NUTM2G: variants seen among roughly 807,000 people sequenced by gnomAD.
NUTM2G encodes the protein NUT family member 2G.
A neutral mutation model predicts 44.3 loss-of-function variants in NUTM2G; 29 were observed. The observed-to-expected ratio is 0.66, with a 90% confidence interval of 0.49 to 0.89. The LOEUF (loss-of-function observed/expected upper bound fraction) is 0.89. Among genes scored for constraint, NUTM2G ranks in the 40% least tolerant of loss-of-function variants. The pLI, the probability that NUTM2G is intolerant of heterozygous loss-of-function variation, is 0.00. For synonymous variants in NUTM2G, 205 were observed against 395.9 expected, an observed-to-expected ratio of 0.52 and a Z score of 5.72; for missense variants, 502 against 946.5, an observed-to-expected ratio of 0.53 and a Z score of 6.16.
chr9:96,937,185 G>C lies in NUTM2G; in HGVS notation c.1104G>C (p.Glu368Asp). Residue 368 changes from glutamate to aspartate, a missense_variant, in exon 5 of 7, where the codon GAG (glutamate) becomes GAC (aspartate). Glu to Asp is a conservative substitution (Grantham distance 45). Transcript: ENST00000372322. Reference protein sequence around the residue: ...LPPPRPPRPAETKVPEEIPPE... With the variant: ...LPPPRPPRPADTKVPEEIPPE... ...CACCCAGGCCCCCGAGGCCAGCAGAGACCAAGGTCCCTGAGGAGATCCCCC... is the reference window on the plus strand; with the variant it reads ...CACCCAGGCCCCCGAGGCCAGCAGACACCAAGGTCCCTGAGGAGATCCCCC... The C allele has an allele frequency of 6.2e-7, 1 of 1,612,788 alleles. No individual in the cohort carries two copies. Among genetic ancestry groups the C allele is most frequent in the African/African-American group, 1.3e-5 (1 of 75,010 alleles).
At chr9:96,934,242 C>A (rs1228268768) in intron 2 of NUTM2G, among the ~76,000 whole-genome samples, 1 of 152,216 alleles carries the variant, frequency 6.6e-6, no homozygotes, top group Non-Finnish European at 1.5e-5. Context: ...CACCCCACGG[C>A]ACCTCTGTGA....
intron 3 of NUTM2G, 49 bp from the exon 4 acceptor site, chr9:96,936,376 G>A (rs11999646): frequency 5.2e-6 from 8 of 1,547,676 alleles, no homozygotes; most frequent in Admixed American, 3.8e-5. Context: ...GTCCTGGGGG[G>A]AGGGGGCCTG....
rs541940694 is a variant in NUTM2G, at chr9:96,931,916, C to A, written c.211C>A (p.Arg71Ser). The A allele has an allele frequency of 1.2e-6, 2 of 1,612,118 alleles. No individual in the cohort carries two copies. The highest frequency in any genetic ancestry group is 3.3e-5 in the Admixed American group (2 of 60,014). The change falls in exon 2 of 7, where the codon CGC becomes AGC. Residue 71 changes from arginine to serine, a missense_variant. Transcript: ENST00000372322. ...CCCTCTAGTGGCAGGACAGGATGGC[C>A]GCGGCCCAAGTGGGGCTGGGGCTTC... The part of the protein sequence containing the change: ...STPLVAGQDG[R>S]GPSGAGASNV...
In NUTM2G at chr9:96,932,073, C is replaced by G; in HGVS notation, c.368C>G (p.Pro123Arg). 6.2e-7 allele frequency: 1 copy of G among 1,608,950 alleles called. No individual in the cohort carries two copies. Among genetic ancestry groups the G allele is most frequent in the Non-Finnish European group, 8.5e-7 (1 of 1,178,382 alleles). ...GTLCGGVMCP[P>R]PLLLAAAPGV... is the part of the protein sequence containing the mutation. ...CTCTGTGGAGGTGTCATGTGTCCAC[C>G]TCCCCTACTCCTGGCAGCTGCTCCT... is the stretch of plus-strand genomic sequence containing the variant. Residue 123 changes from proline (P) to arginine (R), a missense_variant, in exon 2 of 7, where the codon CCT becomes CGT. Coordinates refer to ENST00000372322, the MANE Select transcript of NUTM2G (RefSeq NM_001170741.3).
Position 96,933,064 on chromosome 9 carries a change from A to C in NUTM2G, c.713+646A>C, listed in dbSNP as rs1588201394. Among the ~76,000 whole-genome samples the C allele has an allele frequency of 3.8e-5, 5 of 132,708 alleles. 1 individual carries two copies. The highest frequency in any genetic ancestry group is 9.5e-3 in the Middle Eastern group (2 of 210). 87.1% of individuals were successfully genotyped at this position (132,708 alleles called of 152,430 possible). On this transcript the variant is annotated intron_variant, in intron 2 of 6. Transcript: ENST00000372322. ...GTGATCTCGGCTCACTGCAAGCTCT[A>C]CCTCCCAGGTTCACGTCATTCTCCT...
rs770186201 is a variant in NUTM2G at position 96,931,747 on chromosome 9, G to A, written c.42G>A (p.Val14=). ...CATACCCAGTGCTGGGACCCGGCGTGACCGTGAACCCTGGCACCTCCCTGT... is the reference window on the plus strand; with the variant it reads ...CATACCCAGTGCTGGGACCCGGCGTAACCGTGAACCCTGGCACCTCCCTGT... ...NGAYPVLGPG[V]TVNPGTSLSV... Residue 14 remains valine (V), a synonymous_variant, in exon 2 of 7, where the codon GTG becomes GTA. Coordinates refer to ENST00000372322, the MANE Select transcript of NUTM2G (RefSeq NM_001170741.3). 1.1e-5 allele frequency: 18 copies of A among 1,611,472 alleles called. No homozygotes were observed. Among genetic ancestry groups the A allele is most frequent in the Non-Finnish European group, 1.5e-5 (18 of 1,179,848 alleles).
At chr9:96,935,072 C>T (rs1826382434) in intron 2 of NUTM2G, among the ~76,000 whole-genome samples, 2 of 152,244 alleles carry the variant, frequency 1.3e-5, no homozygotes, top group South Asian at 2.1e-4. Context: ...ACATGTTCCA[C>T]CCATAGCACT....
chr9:96,931,540 G>A (rs542053921), intron 1 of NUTM2G, among the ~76,000 whole-genome samples, 182 bp from the exon 2 acceptor site: 1 of 151,528 alleles, frequency 6.6e-6, no homozygotes, highest in Non-Finnish European at 1.5e-5. Context: ...CTGGCGCCAG[G>A]CTCTCTAGTG....
Position 96,934,462 on chromosome 9 carries a change from G to A in NUTM2G, c.714-866G>A, listed in dbSNP as rs572109950. Among the ~76,000 whole-genome samples the A allele has an allele frequency of 1.2e-4, 18 of 152,008 alleles. No homozygotes were observed. The East Asian group carries it at 3.5e-3, about 30-fold the overall frequency. On this transcript the variant is annotated intron_variant, in intron 2 of 6. Transcript: ENST00000372322. ...GGTGCACTGGGGACCCTGATTCTTG[G>A]AGTGTAGCCGCCCCGGGCTCACAGG...
At chr9:96,934,333 C>G (rs1160662595) in intron 2 of NUTM2G, among the ~76,000 whole-genome samples, 2 of 152,242 alleles carry the variant, frequency 1.3e-5, no homozygotes, top group African/African-American at 4.8e-5. Flanking sequence ...CTAGGGGAGT[C>G]CCCTGCCTGG....
chr9:96,934,690 C>A (rs1258690494), intron 2 of NUTM2G, among the ~76,000 whole-genome samples: 2 of 151,138 alleles, frequency 1.3e-5, no homozygotes, highest in Admixed American at 6.6e-5. Context: ...GGAACCTGCA[C>A]TTTAACCCTC....
rs144131056 is a variant in NUTM2G at position 96,936,919 on chromosome 9, C to T, written c.983-145C>T. The T allele has an allele frequency of 6.3e-4, 843 of 1,335,732 alleles. 11 individuals carry two copies. The East Asian group carries it at 0.018, about 28-fold the overall frequency. The allele number at this position is 1,335,732 out of a possible 1,614,324, so 82.7% of individuals were successfully genotyped here. A position where few individuals can be genotyped will look rare whatever the true frequency, so the allele number is the denominator to read the frequency against. ...TGCTGTCTCAGATGTGCCCCTCCTG[C>T]GGCGTCTCCTCCGGGGCGCTGTGGT... is the stretch of plus-strand genomic sequence containing the variant. On this transcript the variant is annotated intron_variant, in intron 4 of 6. Transcript: ENST00000372322.
intron 5 of NUTM2G, 34 bp downstream of exon 5, chr9:96,937,438 T>G (rs1826472198): frequency 1.3e-6 from 2 of 1,594,100 alleles, no homozygotes; most frequent in African/African-American, 2.7e-5. Flanking sequence ...GTCTGTAGGA[T>G]TCCAGGGGGT....
rs1211799256 is a variant in NUTM2G at position 96,936,414 on chromosome 9, T to C, written c.843-11T>C. The C allele has an allele frequency of 2.5e-6, 4 of 1,573,962 alleles. No homozygotes were observed. Among genetic ancestry groups the C allele is most frequent in the Admixed American group, 1.8e-5 (1 of 56,448 alleles). ...CCCTCTCAGCACAGCCTGGGCCTCC[T>C]TCACCCCCAGGTTCCTGGAGTTTGA... is the stretch of plus-strand genomic sequence containing the variant. On this transcript the variant is annotated splice_polypyrimidine_tract_variant and intron_variant, in intron 3 of 6. Coordinates refer to ENST00000372322, the MANE Select transcript of NUTM2G (RefSeq NM_001170741.3).
Position 96,931,882 on chromosome 9 carries a change from C to G in NUTM2G, c.177C>G (p.Phe59Leu), listed in dbSNP as rs944360470. The G allele has an allele frequency of 1.9e-6, 3 of 1,612,306 alleles. No individual in the cohort carries two copies. In the African/African-American group the frequency reaches 4.0e-5, roughly 22 times the overall value. ...CCGGCCCTCTGGTGCTCTCTGCCTT[C>G]CCCAGCACCCCTCTAGTGGCAGGAC... The part of the protein sequence containing the change: ...PPAGPLVLSA[F>L]PSTPLVAGQD... The change falls in exon 2 of 7, where the codon TTC (phenylalanine) becomes TTG (leucine). Residue 59 changes from phenylalanine (F) to leucine (L), a missense_variant. Physicochemically the swap from Phe to Leu is conservative, Grantham distance 22. Coordinates refer to ENST00000372322, the MANE Select transcript of NUTM2G (RefSeq NM_001170741.3).
chr9:96,936,882 C>T lies in NUTM2G; in HGVS notation c.983-182C>T, dbSNP rs183480576. Among the ~76,000 whole-genome samples the T allele has an allele frequency of 3.3e-5, 5 of 152,296 alleles. 1 individual carries two copies. Among genetic ancestry groups the T allele is most frequent in the African/African-American group, 1.2e-4 (5 of 41,550 alleles). On this transcript the variant is annotated intron_variant, in intron 4 of 6. Coordinates refer to ENST00000372322, the MANE Select transcript of NUTM2G (RefSeq NM_001170741.3). ...ACGGCATATCGGTGGCTCCAAACTT[C>T]CTCCCAAGCGATGCTGTCTCAGATG...
At position 96,935,414 on chromosome 9, in the gene NUTM2G, C is replaced by A. The variant is rs191223810; in HGVS notation, c.800C>A (p.Thr267Lys). 3 of 1,611,930 alleles carry A rather than the reference C, an allele frequency of 1.9e-6. No individual in the cohort carries two copies. Among genetic ancestry groups the A allele is most frequent in the African/African-American group, 2.7e-5 (2 of 74,856 alleles). The part of the protein sequence containing the change: ...LWRAMREWQH[T>K]SNFDRMIFYE... ...CGGGCCATGCGGGAATGGCAGCACA[C>A]GAGCAACTTTGACCGGATGATTTTC... is the stretch of plus-strand genomic sequence containing the variant. Residue 267 changes from threonine to lysine, a missense_variant, in exon 3 of 7, where the codon ACG becomes AAG. By Grantham distance (78) the Thr-to-Lys change is moderately conservative (BLOSUM62 -1). Transcript: ENST00000372322.
chr9:96,936,587 A>G, intron 4 of NUTM2G, 23 bp downstream of exon 4: 2 of 1,549,360 alleles, frequency 1.3e-6, no homozygotes, highest in Non-Finnish European at 8.7e-7. Context: ...ACATTCCCAC[A>G]GGAGCCATGG....
At chr9:96,936,791 T>C (rs1426312955) in intron 4 of NUTM2G, among the ~76,000 whole-genome samples, 1 of 152,022 alleles carries the variant, frequency 6.6e-6, no homozygotes, top group African/African-American at 2.4e-5. Flanking sequence ...ACTTTCTCTC[T>C]CCCCTTGCCT....
Sources: gnomAD v4.1 joint callset for allele counts (sites outside exome capture counted in the v4.1 genomes callset) on GRCh38, gnomAD v4.1.1 for gene constraint, MANE v1.5 for transcripts, NCBI Gene and HGNC (gene_info 2026-07-23, HGNC 2026-07-21) for gene names.